ARHGAP27: variants seen among roughly 807,000 people sequenced by gnomAD.
ARHGAP27 encodes the protein rho GTPase-activating protein 27.
A neutral mutation model predicts 102.0 loss-of-function variants in ARHGAP27; 53 were observed. That is an observed-to-expected ratio of 0.52 (90% CI 0.42 to 0.65). The LOEUF (loss-of-function observed/expected upper bound fraction) is 0.65. Ranked by LOEUF, ARHGAP27 falls within the 30% of genes least tolerant of loss-of-function variation. ARHGAP27 has a pLI of 0.00. For missense variants in ARHGAP27, 1,117 were observed against 1,256.2 expected, an observed-to-expected ratio of 0.89 and a Z score of 1.68; for synonymous variants, 525 against 542.8, an observed-to-expected ratio of 0.97 and a Z score of 0.46.
At chr17:45,399,319 G>T (rs548626863) in intron 12 of ARHGAP27, among the ~76,000 whole-genome samples, 1 of 152,144 alleles carries the variant, frequency 6.6e-6, no homozygotes, top group Non-Finnish European at 1.5e-5. Flanking sequence ...GAGGCTGGGC[G>T]CAGTGGCTCA....
intron 2 of ARHGAP27, 115 bp downstream of exon 2, chr17:45,432,101 G>A: frequency 4.0e-6 from 1 of 252,058 alleles, no homozygotes; most frequent in Non-Finnish European, 7.9e-6. Context: ...GGGGCTGGTT[G>A]TCTCGTGCGG....
Position 45,427,231 on chromosome 17 carries a change from C to T in ARHGAP27, c.657+2392G>A, listed in dbSNP as rs2145051563. ...TGGCCACAGGGATTTTTTTCTCAAT[C>T]CCATTCCTGTCTCTGCTAAAAGCCT... On this transcript the variant is annotated intron_variant, in intron 4 of 19. Transcript: ENST00000685559. The surrounding 1 kb of genome is among the most constrained non-coding windows in gnomAD (Gnocchi z 4.5). Among the ~76,000 whole-genome samples the T allele has an allele frequency of 6.6e-6, 1 of 152,216 alleles. No homozygotes were observed. Among genetic ancestry groups the T allele is most frequent in the Middle Eastern group, 3.4e-3 (1 of 294 alleles).
rs1314881038 is a variant in ARHGAP27, at chr17:45,395,797, C to T, written c.2439G>A (p.Ser813=). The T allele has an allele frequency of 6.2e-7, 1 of 1,605,962 alleles. No homozygotes were observed. The highest frequency in any genetic ancestry group is 8.5e-7 in the Non-Finnish European group (1 of 1,177,816). ...RSRCVRDLVR[S]LPAPNHDTLR... is the part of the protein sequence containing the mutation. ...GAGTGTCGTGGTTGGGAGCGGGCAG[C>T]GAGCGCACCAAGTCACGCACACAGC... Residue 813 remains serine, a synonymous_variant, in exon 19 of 20, where the codon TCG becomes TCA. Transcript: ENST00000685559.
At position 45,430,889 on chromosome 17, in the gene ARHGAP27, C is replaced by T. The variant is rs1373402633; in HGVS notation, c.-18-592G>A. 6.6e-6 allele frequency among the ~76,000 whole-genome samples: 1 copy of T among 152,106 alleles called. No individual in the cohort carries two copies. Among genetic ancestry groups the T allele is most frequent in the Non-Finnish European group, 1.5e-5 (1 of 68,000 alleles). On this transcript the variant is annotated intron_variant, in intron 3 of 19. Coordinates refer to ENST00000685559, the MANE Select transcript of ARHGAP27 (RefSeq NM_001282290.2). The surrounding 1 kb of genome is among the most constrained non-coding windows in gnomAD (Gnocchi z 4.4). ...CAGCTCTACCTGGGGGCTGTCGCTG[C>T]CCCCCTTAGTCCGAGGGCCTTGCTG...
Position 45,430,968 on chromosome 17 carries a change from T to C in ARHGAP27, c.-19+653A>G, listed in dbSNP as rs2050018998. 3.3e-5 allele frequency among the ~76,000 whole-genome samples: 5 copies of C among 152,024 alleles called. No homozygotes were observed. In the South Asian group the frequency reaches 8.3e-4, roughly 25 times the overall value. On this transcript the variant is annotated intron_variant, in intron 3 of 19. Coordinates refer to ENST00000685559, the MANE Select transcript of ARHGAP27 (RefSeq NM_001282290.2). This position sits in a 1 kb window ranked among gnomAD's most constrained non-coding sequence, Gnocchi z 4.4. ...ACCGGTTCTCTCGGTTTCTCTTTCC[T>C]TCCCCAGCTGCATCACCGCAGACGT...
intron 13 of ARHGAP27, chr17:45,397,377 C>A (rs2045885337): frequency 2.0e-6 from 2 of 1,009,026 alleles, no homozygotes; most frequent in Non-Finnish European, 1.2e-6. Context: ...TCTGAGCCTG[C>A]ACCTCCAGCT....
At chr17:45,414,742 C>T (rs768514598) in intron 4 of ARHGAP27, among the ~76,000 whole-genome samples, 10 of 149,236 alleles carry the variant, frequency 6.7e-5, no homozygotes, top group Non-Finnish European at 1.5e-4. Flanking sequence ...AGCCACTGCA[C>T]CCAATTGGTC....
chr17:45,404,421 G>A (rs1270539466), intron 8 of ARHGAP27, 24 bp downstream of exon 8: 1 of 1,614,002 alleles, frequency 6.2e-7, no homozygotes, highest in Non-Finnish European at 8.5e-7. Context: ...GGTCCTGCCA[G>A]GACCTCAATG....
chr17:45,426,882 C>T (rs1228673872), intron 4 of ARHGAP27, among the ~76,000 whole-genome samples: 5 of 152,176 alleles, frequency 3.3e-5, no homozygotes, highest in African/African-American at 9.7e-5. Context: ...AAGTGTTATA[C>T]GGCCTTTCTC....
rs1015393858 is a variant in ARHGAP27, at chr17:45,395,306, T to C, written c.*150A>G. On this transcript the variant is annotated 3_prime_UTR_variant, in exon 20 of 20. Transcript: ENST00000685559. Reference sequence around the variant, plus strand: ...GCAAACTGCCCACTAGGGGTCACCGTACCCTCAGAACCGAGGGTGCAGAAG... The same window carrying C: ...GCAAACTGCCCACTAGGGGTCACCGCACCCTCAGAACCGAGGGTGCAGAAG... The C allele has an allele frequency of 6.0e-6, 6 of 998,300 alleles. No individual in the cohort carries two copies. The highest frequency in any genetic ancestry group is 7.1e-6 in the Non-Finnish European group (5 of 701,096). The allele number at this position is 998,300 out of a possible 1,614,324, so 61.8% of individuals were successfully genotyped here.
intron 4 of ARHGAP27, among the ~76,000 whole-genome samples, chr17:45,414,612 ATTT>A (rs34746481): frequency 6.1e-5 from 8 of 130,300 alleles, no homozygotes; most frequent in Non-Finnish European, 8.1e-5. Flanking sequence ...CGCCCGGCTA[ATTT>A]TTTTTTTTTT....
intron 5 of ARHGAP27, 152 bp downstream of exon 5, chr17:45,405,524 G>T (rs2047047871): frequency 5.2e-6 from 6 of 1,153,006 alleles, no homozygotes; most frequent in Non-Finnish European, 5.9e-6. Flanking sequence ...CCCTGGGTCT[G>T]TGGGAGCAGG....
intron 4 of ARHGAP27, among the ~76,000 whole-genome samples, chr17:45,412,139 T>C (rs139822291): frequency 9.6e-4 from 146 of 152,290 alleles, no homozygotes; most frequent in African/African-American, 3.2e-3. Flanking sequence ...GCCCCCATGA[T>C]GGGGGTCTCC....
rs2049925618 is a variant in ARHGAP27 at position 45,429,873 on chromosome 17, G to A, written c.407C>T (p.Ala136Val). 8 of 1,301,964 alleles carry A rather than the reference G, an allele frequency of 6.1e-6. No homozygotes were observed. Among genetic ancestry groups the A allele is most frequent in the Non-Finnish European group, 7.8e-6 (8 of 1,029,474 alleles). 80.7% of individuals were successfully genotyped at this position (1,301,964 alleles called of 1,614,324 possible). The change falls in exon 4 of 20, where the codon GCG becomes GTG. Residue 136 changes from alanine (A) to valine (V), a missense_variant. Transcript: ENST00000685559. Reference sequence around the variant, plus strand: ...GTACAGGCAGGCTGGCAGGCCGGGCGCCAGGCTGCTGCGCTGGGTCGCGGC... The same window carrying A: ...GTACAGGCAGGCTGGCAGGCCGGGCACCAGGCTGCTGCGCTGGGTCGCGGC... Reference protein sequence around the residue: ...RGAATQRSSLAPGLPACLYLR... With the variant: ...RGAATQRSSLVPGLPACLYLR...
chr17:45,430,427 C>T lies in ARHGAP27; in HGVS notation c.-18-130G>A. On this transcript the variant is annotated intron_variant, in intron 3 of 19. Coordinates refer to ENST00000685559, the MANE Select transcript of ARHGAP27 (RefSeq NM_001282290.2). This position sits in a 1 kb window ranked among gnomAD's most constrained non-coding sequence, Gnocchi z 4.4. ...CGTTCGCCTTCGGGCCTCAGTTTTC[C>T]CATCTCTAAAATGGGAACTTGCATA... 1.5e-6 allele frequency: 2 copies of T among 1,350,266 alleles called. No homozygotes were observed. Among genetic ancestry groups the T allele is most frequent in the Non-Finnish European group, 2.0e-6 (2 of 1,021,786 alleles). The allele number at this position is 1,350,266 out of a possible 1,614,324, so 83.6% of individuals were successfully genotyped here. A position where few individuals can be genotyped will look rare whatever the true frequency, so the allele number is the denominator to read the frequency against.
At chr17:45,429,543 G>A in intron 4 of ARHGAP27, 80 bp downstream of exon 4, 3 of 1,558,624 alleles carry the variant, frequency 1.9e-6, no homozygotes, top group Non-Finnish European at 1.7e-6. Context: ...AGCGGAGCGG[G>A]TCTCCTTGCG....
chr17:45,396,175 G>A (rs752484395), intron 17 of ARHGAP27, 32 bp downstream of exon 17: 1 of 1,594,746 alleles, frequency 6.3e-7, no homozygotes, highest in East Asian at 2.2e-5. Flanking sequence ...GCGCCTTCAG[G>A]CCCTGGGGCA....
intron 12 of ARHGAP27, 91 bp downstream of exon 12, chr17:45,402,623 A>G: frequency 8.1e-7 from 1 of 1,240,530 alleles, no homozygotes. Flanking sequence ...AGGGTCAAAA[A>G]CCCCCAGGTC....
intron 5 of ARHGAP27, among the ~76,000 whole-genome samples, 192 bp from the exon 6 acceptor site, chr17:45,405,298 G>A (rs949859785): frequency 2.6e-5 from 4 of 151,136 alleles, no homozygotes; most frequent in African/African-American, 7.3e-5. Flanking sequence ...AGCAGAAGGC[G>A]TCAGAGGTAG....
Sources: gnomAD v4.1 joint callset for allele counts (sites outside exome capture counted in the v4.1 genomes callset) on GRCh38, gnomAD v4.1.1 for gene constraint, Gnocchi (gnomAD v3.1) non-coding constraint, MANE v1.5 for transcripts, NCBI Gene and HGNC (gene_info 2026-07-23, HGNC 2026-07-21) for gene names.